The following VWA3A variants were observed in gnomAD, a reference collection of about 807,000 sequenced individuals.
VWA3A encodes the protein von Willebrand factor A domain containing 3A, also known as von Willebrand factor A domain-containing protein 3A.
Under a neutral mutation model 160.4 loss-of-function variants are expected in VWA3A, and 134 were observed. The ratio of observed to expected loss-of-function variants is 0.84; its 90% confidence interval spans 0.73 to 0.96. The LOEUF is 0.96. Among genes scored for constraint, VWA3A ranks in the 40% least tolerant of loss-of-function variants. The probability of loss-of-function intolerance (pLI) is 0.00; values close to 1 mark genes in which losing one functional copy is unlikely to be tolerated. For missense variants in VWA3A, 1,310 were observed against 1,447.9 expected (o/e 0.90, Z 1.55); for synonymous variants, 476 against 543.4 (o/e 0.88, Z 1.72).
At chr16:22,109,848 C>G (rs1018102259) in intron 7 of VWA3A, among the ~76,000 whole-genome samples, 2 of 152,258 alleles carry the variant, frequency 1.3e-5, no homozygotes, top group African/African-American at 2.4e-5. Context: ...AGAGCTCCCA[C>G]GTTTCCCTGG....
intron 21 of VWA3A, among the ~76,000 whole-genome samples, chr16:22,137,380 C>T (rs772624399): frequency 6.6e-6 from 1 of 152,198 alleles, no homozygotes; most frequent in Admixed American, 6.5e-5. Flanking sequence ...GGCAAGCTGA[C>T]TGGCCCACAA....
chr16:22,132,900 C>T lies in VWA3A; in HGVS notation c.1873C>T (p.Pro625Ser), dbSNP rs1453624841. The change falls in exon 20 of 34, where the codon CCT becomes TCT. Residue 625 changes from proline (P) to serine (S), a missense_variant and splice_region_variant. Pro to Ser is a moderately conservative substitution (Grantham distance 74). Coordinates refer to ENST00000389398, the MANE Select transcript of VWA3A (RefSeq NM_173615.5). The part of the protein sequence containing the change: ...FTGGIPDQDM[P>S]TLSAYMAEAC... ...CCTCCTACCTTCTCTTCCCCACCAGCCTACACTCAGTGCCTACATGGCTGA... is the reference window on the plus strand; with the variant it reads ...CCTCCTACCTTCTCTTCCCCACCAGTCTACACTCAGTGCCTACATGGCTGA... The T allele has an allele frequency of 1.2e-6, 2 of 1,612,490 alleles. No individual in the cohort carries two copies. Among genetic ancestry groups the T allele is most frequent in the Non-Finnish European group, 8.5e-7 (1 of 1,179,648 alleles).
At position 22,155,579 on chromosome 16, in the gene VWA3A, C is replaced by T. The variant is rs749463511; in HGVS notation, c.3418C>T (p.Pro1140Ser). The T allele has an allele frequency of 6.2e-7, 1 of 1,613,940 alleles. No individual in the cohort carries two copies. Among genetic ancestry groups the T allele is most frequent in the South Asian group, 1.1e-5 (1 of 91,078 alleles). Residue 1140 changes from proline to serine, a missense_variant, in exon 32 of 34, where the codon CCA becomes TCA. By Grantham distance (74) the Pro-to-Ser change is moderately conservative. Transcript: ENST00000389398. ...TCCTCTTTTCAAGGATCCCACATTG[C>T]CACCATTTGAAGGAGATGATTTAAG... is the stretch of plus-strand genomic sequence containing the variant. ...GFINEKDPTL[P>S]PFEGDDLRIL...
Position 22,115,507 on chromosome 16 carries a change from A to C in VWA3A, c.815+35A>C, listed in dbSNP as rs559054673. Reference sequence around the variant, plus strand: ...CTTTCCTAAGCAGGTGACATACTACATGAAAAGGACTGAAAAACCAAACCA... The same window carrying C: ...CTTTCCTAAGCAGGTGACATACTACCTGAAAAGGACTGAAAAACCAAACCA... On this transcript the variant is annotated intron_variant, in intron 9 of 33. Transcript: ENST00000389398. The C allele has an allele frequency of 3.8e-6, 6 of 1,574,980 alleles. No homozygotes were observed. The South Asian group carries it at 7.1e-5, about 19-fold the overall frequency.
At chr16:22,129,051 C>T (rs554513275) in intron 17 of VWA3A, among the ~76,000 whole-genome samples, 1 of 151,886 alleles carries the variant, frequency 6.6e-6, no homozygotes, top group Non-Finnish European at 1.5e-5. Flanking sequence ...ATATAACAAA[C>T]CTGCACACGT....
chr16:22,097,592 G>A lies in VWA3A; in HGVS notation c.122G>A (p.Arg41Lys). ...ENHCIRRNTG[R>K]DSKKPLKQKN... ...TGTAGCATTAGGAGAAACACTGGCA[G>A]AGATTCAAAGAAGCCACTAAAGCAG... Residue 41 changes from arginine to lysine, a missense_variant, in exon 3 of 34, where the codon AGA becomes AAA. Coordinates refer to ENST00000389398, the MANE Select transcript of VWA3A (RefSeq NM_173615.5). The A allele has an allele frequency of 6.4e-7, 1 of 1,551,606 alleles. No individual in the cohort carries two copies. The highest frequency in any genetic ancestry group is 1.4e-5 in the African/African-American group (1 of 73,172).
chr16:22,122,261 G>GTGGA lies in VWA3A; in HGVS notation c.1356+660_1356+663dup, dbSNP rs1188356482. Among the ~76,000 whole-genome samples the GTGGA allele has an allele frequency of 2.0e-4, 29 of 145,450 alleles. No homozygotes were observed. The South Asian group carries it at 4.9e-3, about 25-fold the overall frequency. On this transcript the variant is annotated intron_variant, in intron 14 of 33. Coordinates refer to ENST00000389398, the MANE Select transcript of VWA3A (RefSeq NM_173615.5). ...GATGAATGGATGGATGGATGGATGA[G>GTGGA]TGGATGGATGGATGGATGGGTGGAT...
At chr16:22,146,393 G>A in intron 27 of VWA3A, 49 bp downstream of exon 27, 1 of 1,547,400 alleles carries the variant, frequency 6.5e-7, no homozygotes, top group Non-Finnish European at 8.8e-7. Context: ...AGGGGATGTA[G>A]AAGGCTAGCC....
chr16:22,119,255 A>C lies in VWA3A; in HGVS notation c.1116+228A>C, dbSNP rs1442378131. Among the ~76,000 whole-genome samples, 3 of 152,138 alleles carry C rather than the reference A, an allele frequency of 2.0e-5. No homozygotes were observed. The East Asian group carries it at 5.8e-4, about 29-fold the overall frequency. ...ATTCTGGTGGATTTACTAACTGTAA[A>C]ATTTATTTCAGAGAAAGACCAGCAG... On this transcript the variant is annotated intron_variant, in intron 12 of 33. Transcript: ENST00000389398.
chr16:22,130,432 T>C (rs888396935), intron 17 of VWA3A, among the ~76,000 whole-genome samples: 5 of 151,970 alleles, frequency 3.3e-5, no homozygotes, highest in African/African-American at 1.2e-4. Flanking sequence ...GGAGGAACTG[T>C]GGGGCAAAGT....
chr16:22,120,909 T>C, intron 12 of VWA3A, 59 bp from the exon 13 acceptor site: 1 of 1,599,266 alleles, frequency 6.3e-7, no homozygotes, highest in Non-Finnish European at 8.5e-7. Context: ...GGGTGAAGAC[T>C]GAGGACTTTT....
chr16:22,107,416 T>C (rs1598051330), intron 6 of VWA3A, among the ~76,000 whole-genome samples: 1 of 152,050 alleles, frequency 6.6e-6, no homozygotes. Context: ...CAAATGTCAA[T>C]AGTGCCAAAG....
At chr16:22,131,877 G>C in intron 19 of VWA3A, 148 bp downstream of exon 19, 1 of 1,215,268 alleles carries the variant, frequency 8.2e-7, no homozygotes, top group Non-Finnish European at 1.1e-6. Context: ...TAAGGATGCT[G>C]TTAAAATGCA....
At chr16:22,103,587 A>AGAAC in intron 6 of VWA3A, 58 bp downstream of exon 6, 6 of 1,539,604 alleles carry the variant, frequency 3.9e-6, no homozygotes, top group Non-Finnish European at 5.3e-6. Flanking sequence ...TGTATTTGTT[A>AGAAC]GAACCCTTTC....
Position 22,141,604 on chromosome 16 carries a change from A to C in VWA3A, c.2406A>C (p.Glu802Asp). 2 of 1,611,984 alleles carry C rather than the reference A, an allele frequency of 1.2e-6. No homozygotes were observed. Among genetic ancestry groups the C allele is most frequent in the Non-Finnish European group, 1.7e-6 (2 of 1,179,092 alleles). ...CAGCTGCGGCCCAGCCAACGAAAGA[A>C]GGGATGATGGAACTGAGGAGGAAGA... ...ISPAAAQPTKEGMMELRRKTK... is the reference protein window; with the variant it reads ...ISPAAAQPTKDGMMELRRKTK... The change falls in exon 24 of 34, where the codon GAA becomes GAC. Residue 802 changes from glutamate (E) to aspartate (D), a missense_variant. Glu to Asp is a conservative substitution (Grantham distance 45, BLOSUM62 2). Transcript: ENST00000389398.
In VWA3A at chr16:22,153,737, A is replaced by ATT. The variant is rs1255107608; in HGVS notation, c.3405+1103_3405+1104insTT. The stretch of plus-strand genomic sequence containing the variant: ...AGGTTACTTTCACAGGACATGGCAT[A>ATT]ATTTTTTTTTTTTTTTTTTTGAGAC... On this transcript the variant is annotated intron_variant, in intron 31 of 33. Coordinates refer to ENST00000389398, the MANE Select transcript of VWA3A (RefSeq NM_173615.5). Among the ~76,000 whole-genome samples, 5 of 40,356 alleles carry ATT rather than the reference A, an allele frequency of 1.2e-4. No homozygotes were observed. The East Asian group carries it at 2.8e-3, about 23-fold the overall frequency. 26.5% of individuals were successfully genotyped at this position (40,356 alleles called of 152,430 possible). A position where few individuals can be genotyped will look rare whatever the true frequency, so the allele number is the denominator to read the frequency against.
In VWA3A at chr16:22,123,111, C is replaced by A; in HGVS notation, c.1383C>A (p.His461Gln). 6.2e-7 allele frequency: 1 copy of A among 1,606,002 alleles called. No homozygotes were observed. The highest frequency in any genetic ancestry group is 8.5e-7 in the Non-Finnish European group (1 of 1,176,122). ...AGGCAATGATACAATTTGAATGGCACGACGGGACAGTGAAGAACATTCATG... is the reference window on the plus strand; with the variant it reads ...AGGCAATGATACAATTTGAATGGCAAGACGGGACAGTGAAGAACATTCATG... ...HEKAMIQFEW[H>Q]DGTVKNIHVD... is the part of the protein sequence containing the mutation. Residue 461 changes from histidine to glutamine, a missense_variant, in exon 15 of 34, where the codon CAC becomes CAA. Transcript: ENST00000389398.
intron 30 of VWA3A, 135 bp from the exon 31 acceptor site, chr16:22,152,375 TG>T: frequency 1.7e-6 from 2 of 1,168,762 alleles, no homozygotes; most frequent in Non-Finnish European, 2.4e-6. Context: ...GTGGTCTCCA[TG>T]GGACAAGCCA....
chr16:22,151,472 G>A (rs973980234), intron 30 of VWA3A, among the ~76,000 whole-genome samples: 1 of 152,114 alleles, frequency 6.6e-6, no homozygotes. Flanking sequence ...CTCTTCCCTG[G>A]GATCACATTT....
Sources: gnomAD v4.1 joint callset for allele counts (sites outside exome capture counted in the v4.1 genomes callset) on GRCh38, gnomAD v4.1.1 for gene constraint, MANE v1.5 for transcripts, NCBI Gene and HGNC (gene_info 2026-07-23, HGNC 2026-07-21) for gene names.